The following ARHGEF37 variants were observed in gnomAD, a reference collection of about 807,000 sequenced individuals.
ARHGEF37 encodes Rho guanine nucleotide exchange factor 37, also known as Rho guanine nucleotide exchange factor (GEF) 37.
Under a neutral mutation model 71.1 loss-of-function variants are expected in ARHGEF37, and 55 were observed. The observed-to-expected ratio is 0.77, with a 90% CI of 0.62 to 0.97. The LOEUF (loss-of-function observed/expected upper bound fraction) is 0.97. Ranked by LOEUF, ARHGEF37 falls within the 50% of genes least tolerant of loss-of-function variation. The pLI is 0.00. For synonymous variants in ARHGEF37, 327 were observed against 350.6 expected (o/e 0.93, Z 0.75); for missense variants, 765 against 836.8 (o/e 0.91, Z 1.06).
chr5:149,563,426 C>A (rs1762861166), intron 1 of ARHGEF37, among the ~76,000 whole-genome samples: 1 of 152,210 alleles, frequency 6.6e-6, no homozygotes, highest in Admixed American at 6.5e-5. Context: ...AACCTATATG[C>A]AAGCCATGTT....
upstream of ARHGEF37, among the ~76,000 whole-genome samples, chr5:149,580,862 C>T (rs879650050): frequency 6.6e-6 from 1 of 152,208 alleles, no homozygotes; most frequent in Non-Finnish European, 1.5e-5. Context: ...ACTTTACATG[C>T]GTTTCATAGC....
rs1452362465 is a variant in ARHGEF37, at chr5:149,608,012, C to A, written c.311-1536C>A. On this transcript the variant is annotated intron_variant, in intron 3 of 12. Transcript: ENST00000333677. ...CTCAATCTCCTGATCTTGTGATCCACCCATCTGGGCCTCCCACAGTGCTGG... is the reference window on the plus strand; with the variant it reads ...CTCAATCTCCTGATCTTGTGATCCAACCATCTGGGCCTCCCACAGTGCTGG... Among the ~76,000 whole-genome samples, 6 of 152,162 alleles carry A rather than the reference C, an allele frequency of 3.9e-5. No individual in the cohort carries two copies. In the East Asian group the frequency reaches 9.7e-4, roughly 25 times the overall value.
At chr5:149,620,310 C>A (rs1752500878) in intron 7 of ARHGEF37, 44 bp from the exon 8 acceptor site, 3 of 1,379,782 alleles carry the variant, frequency 2.2e-6, no homozygotes, top group African/African-American at 1.7e-5. Context: ...GTAAGATGGC[C>A]ATGACAGGCA....
intron 2 of ARHGEF37, among the ~76,000 whole-genome samples, chr5:149,599,782 G>T: frequency 6.6e-6 from 1 of 152,224 alleles, no homozygotes. Flanking sequence ...TTGTTAAGTT[G>T]ATTATATCCC....
At chr5:149,606,282 T>C (rs1312226694) in intron 3 of ARHGEF37, among the ~76,000 whole-genome samples, 1 of 152,156 alleles carries the variant, frequency 6.6e-6, no homozygotes, top group Non-Finnish European at 1.5e-5. Context: ...GGCTGCAGTT[T>C]CGGGTGGTCA....
At chr5:149,616,098 A>G (rs549892125) in intron 4 of ARHGEF37, among the ~76,000 whole-genome samples, 1 of 151,662 alleles carries the variant, frequency 6.6e-6, no homozygotes, top group African/African-American at 2.4e-5. Flanking sequence ...GGATGTGTTT[A>G]AAGCCATAGG....
At chr5:149,553,492 G>A (rs1762713745) in intron 1 of ARHGEF37, among the ~76,000 whole-genome samples, 1 of 151,320 alleles carries the variant, frequency 6.6e-6, no homozygotes, top group South Asian at 2.1e-4. Context: ...CTCCTTTTCT[G>A]CTAATTTTCT....
intron 1 of ARHGEF37, among the ~76,000 whole-genome samples, chr5:149,583,350 T>C (rs1002372189): frequency 1.3e-5 from 2 of 152,216 alleles, no homozygotes; most frequent in Admixed American, 1.3e-4. Flanking sequence ...TTGCCCAGGC[T>C]GATTGCAAAC....
chr5:149,613,764 C>CTT lies in ARHGEF37; in HGVS notation c.459-2787_459-2786dup, dbSNP rs5872138. 1.3e-3 allele frequency among the ~76,000 whole-genome samples: 169 copies of CTT among 133,248 alleles called. 1 individual carries two copies. Among genetic ancestry groups the CTT allele is most frequent in the African/African-American group, 4.5e-3 (163 of 36,224 alleles). The allele number at this position is 133,248 out of a possible 152,430, so 87.4% of individuals were successfully genotyped here. A position where few individuals can be genotyped will look rare whatever the true frequency, so the allele number is the denominator to read the frequency against. On this transcript the variant is annotated intron_variant, in intron 4 of 12. Coordinates refer to ENST00000333677, the MANE Select transcript of ARHGEF37 (RefSeq NM_001001669.3). Reference sequence around the variant, plus strand: ...GATATTGATATTTCTACAGTGTTTTCTTTTTTTTTTTTTTTTTGAGACAAG... The same window carrying CTT: ...GATATTGATATTTCTACAGTGTTTTCTTTTTTTTTTTTTTTTTTTGAGACAAG...
intron 1 of ARHGEF37, among the ~76,000 whole-genome samples, chr5:149,562,609 GCTAA>G (rs1341102667): frequency 2.0e-5 from 3 of 152,056 alleles, no homozygotes; most frequent in Non-Finnish European, 4.4e-5. Flanking sequence ...ACCACACCCG[GCTAA>G]CTTTTTGTAT....
intron 1 of ARHGEF37, among the ~76,000 whole-genome samples, chr5:149,583,297 C>T (rs890133370): frequency 3.9e-5 from 6 of 152,094 alleles, no homozygotes; most frequent in Admixed American, 6.6e-5. Context: ...CCACTATGCC[C>T]GGTTAATTTT....
At position 149,556,322 on chromosome 5, in the gene ARHGEF37, T is replaced by C. The variant is rs191430114; in HGVS notation, c.-12+4199T>C. Among the ~76,000 whole-genome samples, 520 of 152,284 alleles carry C rather than the reference T, an allele frequency of 3.4e-3. 2 individuals are homozygous for C. The highest frequency in any genetic ancestry group is 0.01 in the Middle Eastern group (3 of 294). On this transcript the variant is annotated intron_variant, in intron 1 of 2. Transcript: ENST00000505810. ...GATTCTCCTGCCTCAGCCTCTTGAG[T>C]GGCTGGGATTACAGGCACATGCCAC... is the stretch of plus-strand genomic sequence containing the variant.
intron 1 of ARHGEF37, among the ~76,000 whole-genome samples, chr5:149,589,817 C>T (rs192659395): frequency 1.8e-3 from 273 of 152,080 alleles, no homozygotes; most frequent in African/African-American, 6.1e-3. Flanking sequence ...CCATGCCCGG[C>T]CGCCTGGCTA....
chr5:149,573,593 TTG>T (rs375006001), intron 1 of ARHGEF37, among the ~76,000 whole-genome samples: 37 of 152,152 alleles, frequency 2.4e-4, no homozygotes, highest in African/African-American at 8.4e-4. Context: ...GTATCTAAAA[TTG>T]TGTGTGTGTG....
intron 1 of ARHGEF37, among the ~76,000 whole-genome samples, chr5:149,568,380 C>T (rs1434150548): frequency 6.6e-6 from 1 of 152,086 alleles, no homozygotes; most frequent in Non-Finnish European, 1.5e-5. Flanking sequence ...AATTGCTAAC[C>T]TGTACCTCCG....
intron 4 of ARHGEF37, among the ~76,000 whole-genome samples, chr5:149,614,429 A>C (rs1752314985): frequency 6.6e-6 from 1 of 152,094 alleles, no homozygotes; most frequent in South Asian, 2.1e-4. Flanking sequence ...GAAAAGCTGC[A>C]TAAAAAAGTA....
chr5:149,557,478 GTTTA>G (rs1018299357), intron 1 of ARHGEF37, among the ~76,000 whole-genome samples: 13 of 150,320 alleles, frequency 8.6e-5, no homozygotes, highest in Non-Finnish European at 1.6e-4. Context: ...TTGTTTGTTT[GTTTA>G]TTTATTTATT....
chr5:149,591,088 G>A (rs918751915), intron 1 of ARHGEF37, among the ~76,000 whole-genome samples: 3 of 151,844 alleles, frequency 2.0e-5, no homozygotes, highest in African/African-American at 7.3e-5. Flanking sequence ...TTGAGACAGA[G>A]TCTCTCTCTG....
At chr5:149,578,899 G>T (rs1763056408), upstream of ARHGEF37, among the ~76,000 whole-genome samples, 1 of 152,156 alleles carries the variant, frequency 6.6e-6, no homozygotes, top group Non-Finnish European at 1.5e-5. Flanking sequence ...TGTGACTAGG[G>T]TGAAAGATGG....
Sources: allele counts gnomAD v4.1 joint callset (sites outside exome capture counted in the v4.1 genomes callset), GRCh38; gene constraint gnomAD v4.1.1; transcripts MANE v1.5; gene names NCBI Gene and HGNC (gene_info 2026-07-23, HGNC 2026-07-21).